ESRRG: variants seen among roughly 807,000 people sequenced by gnomAD.
ESRRG encodes estrogen related receptor gamma.
In ESRRG, 13 loss-of-function variants were observed where a neutral mutation model predicts 44.0. That is an observed-to-expected ratio of 0.30 (90% CI 0.19 to 0.47). The LOEUF is 0.47. Among genes scored for constraint, ESRRG ranks in the 20% least tolerant of loss-of-function variants. The pLI is 1.00. For synonymous variants in ESRRG, 215 were observed against 214.6 expected, an observed-to-expected ratio of 1.00 and a Z score of -0.02; for missense variants, 395 against 580.6, an observed-to-expected ratio of 0.68 and a Z score of 3.29.
At chr1:217,046,789 G>C (rs534941995) in intron 1 of ESRRG, among the ~76,000 whole-genome samples, 1 of 152,044 alleles carries the variant, frequency 6.6e-6, no homozygotes, top group East Asian at 1.9e-4. Flanking sequence ...AGGCTGAGGC[G>C]GGAGAATTGC....
chr1:216,810,207 G>C (rs2148453198), intron 2 of ESRRG, among the ~76,000 whole-genome samples: 1 of 152,222 alleles, frequency 6.6e-6, no homozygotes, highest in Non-Finnish European at 1.5e-5. Context: ...ACCTGCACCA[G>C]ACACTTCAAG....
At chr1:216,762,588 G>A (rs1433354878) in intron 2 of ESRRG, among the ~76,000 whole-genome samples, 1 of 151,506 alleles carries the variant, frequency 6.6e-6, no homozygotes. Context: ...ATAGCATTGG[G>A]AGATATACCT....
At chr1:216,705,019 T>TA (rs1413894499) in intron 1 of ESRRG, among the ~76,000 whole-genome samples, 3 of 152,290 alleles carry the variant, frequency 2.0e-5, no homozygotes, top group Admixed American at 1.3e-4. Context: ...AGTAAGTCTT[T>TA]AAAAATAGTA....
At chr1:216,542,537 G>A (rs1038618712) in intron 5 of ESRRG, among the ~76,000 whole-genome samples, 6 of 151,948 alleles carry the variant, frequency 3.9e-5, no homozygotes, top group African/African-American at 9.7e-5. Context: ...GCTGCCATAT[G>A]AAGGCTTATA....
chr1:216,935,399 A>G (rs2063965841), intron 2 of ESRRG, among the ~76,000 whole-genome samples: 1 of 152,206 alleles, frequency 6.6e-6, no homozygotes, highest in South Asian at 2.1e-4. Flanking sequence ...CATAAAACTC[A>G]GAGAAACACT....
At chr1:216,622,024 A>G (rs2062326446) in intron 3 of ESRRG, among the ~76,000 whole-genome samples, 1 of 152,186 alleles carries the variant, frequency 6.6e-6, no homozygotes, top group Non-Finnish European at 1.5e-5. Flanking sequence ...CTGGATGACT[A>G]CTGTCTACAA....
At chr1:216,805,054 A>G (rs2094744694) in intron 2 of ESRRG, 1 of 152,194 alleles carries the variant, frequency 6.6e-6, no homozygotes, top group Admixed American at 6.5e-5. Flanking sequence ...TGAAGAAATT[A>G]GTGAGAAACA....
At chr1:216,990,270 G>A (rs183614142) in intron 1 of ESRRG, among the ~76,000 whole-genome samples, 2 of 152,118 alleles carry the variant, frequency 1.3e-5, no homozygotes, top group African/African-American at 4.8e-5. Context: ...TTTCCAAACT[G>A]AACCAATGAG....
chr1:216,564,726 T>C (rs1216820121), intron 4 of ESRRG, among the ~76,000 whole-genome samples: 1 of 152,050 alleles, frequency 6.6e-6, no homozygotes, highest in African/African-American at 2.4e-5. Flanking sequence ...TGGGATTTGG[T>C]GAAGTAGATT....
intron 3 of ESRRG, among the ~76,000 whole-genome samples, chr1:216,619,680 C>T (rs544681328): frequency 6.6e-6 from 1 of 152,292 alleles, no homozygotes; most frequent in South Asian, 2.1e-4. Context: ...TGCTTACCTT[C>T]CCAACCATAA....
chr1:217,063,185 T>C (rs1047437567), intron 1 of ESRRG, among the ~76,000 whole-genome samples: 2 of 152,170 alleles, frequency 1.3e-5, no homozygotes, highest in Non-Finnish European at 1.5e-5. Context: ...CTTTACATAG[T>C]TATTTTTATA....
intron 1 of ESRRG, among the ~76,000 whole-genome samples, chr1:216,960,064 AATATTAT>A (rs1214718522): frequency 6.6e-6 from 1 of 152,146 alleles, no homozygotes; most frequent in Non-Finnish European, 1.5e-5. Context: ...ACTTTGCCTA[AATATTAT>A]ATGTGTGTGT....
chr1:216,854,140 T>C (rs563084725), intron 2 of ESRRG, among the ~76,000 whole-genome samples: 15 of 152,044 alleles, frequency 9.9e-5, no homozygotes, highest in African/African-American at 2.7e-4. Flanking sequence ...GGGTGGATCA[T>C]GAGGTCAAGA....
At chr1:216,995,657 C>T (rs1004610860) in intron 1 of ESRRG, among the ~76,000 whole-genome samples, 1 of 152,290 alleles carries the variant, frequency 6.6e-6, no homozygotes, top group African/African-American at 2.4e-5. Flanking sequence ...TCTTATAGCC[C>T]TATCATTTCA....
At chr1:217,110,565 A>G (rs1157220304) in intron 1 of ESRRG, among the ~76,000 whole-genome samples, 1 of 152,194 alleles carries the variant, frequency 6.6e-6, no homozygotes, top group Non-Finnish European at 1.5e-5. Flanking sequence ...GGAAGCCTTA[A>G]GAAGCTTACA....
rs185989964 is a variant in ESRRG at position 216,620,162 on chromosome 1, T to C, written c.589+30811A>G. 2.8e-3 allele frequency among the ~76,000 whole-genome samples: 427 copies of C among 152,340 alleles called. 2 individuals carry two copies. The highest frequency in any genetic ancestry group is 8.9e-3 in the South Asian group (43 of 4,826). The stretch of plus-strand genomic sequence containing the variant: ...CCAATTTCTGGGTTTCAATCCCTAC[T>C]GTGTAACTTACCAGCTATGTGATTC... On this transcript the variant is annotated intron_variant, in intron 3 of 6. Transcript: ENST00000408911.
rs77525825 is a variant in ESRRG at position 216,524,096 on chromosome 1, T to C, written c.863-4675A>G. ...CAATAGACACACAGATGCATAACCCTTGCTAGAGATAAACTTATTTTGTAT... is the reference window on the plus strand; with the variant it reads ...CAATAGACACACAGATGCATAACCCCTGCTAGAGATAAACTTATTTTGTAT... On this transcript the variant is annotated intron_variant, in intron 5 of 6. Coordinates refer to ENST00000408911, the MANE Select transcript of ESRRG (RefSeq NM_001438.4). 1.7e-3 allele frequency among the ~76,000 whole-genome samples: 257 copies of C among 151,896 alleles called. 2 individuals are homozygous for C. The East Asian group carries it at 0.034, about 20-fold the overall frequency.
chr1:216,685,560 G>T (rs2077781411), intron 1 of ESRRG, among the ~76,000 whole-genome samples: 1 of 152,182 alleles, frequency 6.6e-6, no homozygotes, highest in Non-Finnish European at 1.5e-5. Flanking sequence ...CACTAGAGAA[G>T]AAATAAACAG....
intron 1 of ESRRG, 95 bp downstream of exon 1, chr1:216,723,149 G>T (rs2086710480): frequency 1.9e-6 from 2 of 1,032,498 alleles, no homozygotes; most frequent in Non-Finnish European, 3.0e-6. Context: ...AATACCCAGG[G>T]CATTACCTGA....
Sources: allele counts gnomAD v4.1 joint callset (sites outside exome capture counted in the v4.1 genomes callset), GRCh38; gene constraint gnomAD v4.1.1; transcripts MANE v1.5; gene names NCBI Gene and HGNC (gene_info 2026-07-23, HGNC 2026-07-21).